The following DENND3 variants were observed in gnomAD, a reference collection of about 807,000 sequenced individuals.
DENND3 encodes the protein DENN domain containing 3.
DENND3 carries 88 observed loss-of-function variants against 135.1 expected under a neutral mutation model. The observed-to-expected ratio is 0.65, with a 90% CI of 0.55 to 0.78. DENND3 has a LOEUF of 0.78. Among genes scored for constraint, DENND3 ranks in the 30% least tolerant of loss-of-function variants. The pLI is 0.00. For synonymous variants in DENND3, 693 were observed against 712.3 expected (o/e 0.97, Z 0.43); for missense variants, 1,392 against 1,688.4 (o/e 0.82, Z 3.08).
chr8:141,175,298 G>A lies in DENND3; in HGVS notation c.2374G>A (p.Val792Met). 1 of 1,614,246 alleles carries A rather than the reference G, an allele frequency of 6.2e-7. No individual in the cohort carries two copies. The highest frequency in any genetic ancestry group is 8.5e-7 in the Non-Finnish European group (1 of 1,180,050). ...EAQEVSLPWL[V>M]MEHLDKNECV... is the part of the protein sequence containing the mutation. ...CCAGGAGGTCAGTCTGCCGTGGCTGGTGATGGAACACCTGGATAAAAACGA... is the reference window on the plus strand; with the variant it reads ...CCAGGAGGTCAGTCTGCCGTGGCTGATGATGGAACACCTGGATAAAAACGA... The change falls in exon 14 of 23, where the codon GTG (valine) becomes ATG (methionine). Residue 792 changes from valine (V) to methionine (M), a missense_variant. Val to Met is a conservative substitution (Grantham distance 21). Transcript: ENST00000519811. The surrounding 1 kb of genome is among the most constrained non-coding windows in gnomAD (Gnocchi z 5.4).
In DENND3 at chr8:141,167,876, G is replaced by A; in HGVS notation, c.1754-128G>A. The A allele has an allele frequency of 7.5e-7, 1 of 1,341,676 alleles. No homozygotes were observed. The highest frequency in any genetic ancestry group is 1.5e-5 in the African/African-American group (1 of 68,496). The allele number at this position is 1,341,676 out of a possible 1,614,324, so 83.1% of individuals were successfully genotyped here. A position where few individuals can be genotyped will look rare whatever the true frequency, so the allele number is the denominator to read the frequency against. Reference sequence around the variant, plus strand: ...GTGGGTGTGTGGAGCTTTCTGGAGGGAGCACACCCATTCTCATTTTATTTT... The same window carrying A: ...GTGGGTGTGTGGAGCTTTCTGGAGGAAGCACACCCATTCTCATTTTATTTT... On this transcript the variant is annotated intron_variant, in intron 12 of 22. Coordinates refer to ENST00000519811, the MANE Select transcript of DENND3 (RefSeq NM_001352890.3). This position sits in a 1 kb window ranked among gnomAD's most constrained non-coding sequence, Gnocchi z 4.1.
At position 141,136,751 on chromosome 8, in the gene DENND3, C is replaced by T. The variant is rs200233804; in HGVS notation, c.345C>T (p.Gly115=). 21 of 1,595,364 alleles carry T rather than the reference C, an allele frequency of 1.3e-5. No homozygotes were observed. Among genetic ancestry groups the T allele is most frequent in the East Asian group, 9.1e-5 (4 of 44,132 alleles). ...APEPEDVAVP[G]GVDLLTLPQL... is the part of the protein sequence containing the mutation. ...AGCCTGAGGATGTCGCCGTCCCGGG[C>T]GGCGTGGACCTCCTCACCCTGCCGC... Residue 115 remains glycine (G), a synonymous_variant, in exon 2 of 23, where the codon GGC becomes GGT. Coordinates refer to ENST00000519811, the MANE Select transcript of DENND3 (RefSeq NM_001352890.3).
chr8:141,185,727 G>A (rs945780892), intron 18 of DENND3, among the ~76,000 whole-genome samples: 1 of 151,856 alleles, frequency 6.6e-6, no homozygotes, highest in African/African-American at 2.4e-5. Context: ...TTGGGAAGCT[G>A]AGGTGGTAGG....
At chr8:141,153,439 C>A (rs545938690) in intron 7 of DENND3, among the ~76,000 whole-genome samples, 1 of 152,230 alleles carries the variant, frequency 6.6e-6, no homozygotes, top group African/African-American at 2.4e-5. Flanking sequence ...AAGAACACAG[C>A]GTGTGTCATG....
chr8:141,145,863 TTTTG>T, intron 5 of DENND3, among the ~76,000 whole-genome samples: 2 of 132,054 alleles, frequency 1.5e-5, no homozygotes, highest in African/African-American at 6.2e-5. Flanking sequence ...ATTTTTTTTT[TTTTG>T]AGGCGGAGTC....
Position 141,175,449 on chromosome 8 carries a change from G to A in DENND3, c.2525G>A (p.Arg842Lys), listed in dbSNP as rs757122379. ...RPGYLEISTF[R>K]NIEEVRRTTT... ...GGCTACTTGGAGATTTCCACCTTCAGAAATATAGAGGTAAGGACAGCACAG... is the reference window on the plus strand; with the variant it reads ...GGCTACTTGGAGATTTCCACCTTCAAAAATATAGAGGTAAGGACAGCACAG... The change falls in exon 14 of 23, where the codon AGA becomes AAA. Residue 842 changes from arginine (R) to lysine (K), a missense_variant. Transcript: ENST00000519811. The surrounding 1 kb of genome is among the most constrained non-coding windows in gnomAD (Gnocchi z 5.4). The A allele has an allele frequency of 6.2e-7, 1 of 1,614,172 alleles. No individual in the cohort carries two copies. Among genetic ancestry groups the A allele is most frequent in the South Asian group, 1.1e-5 (1 of 91,074 alleles).
intron 1 of DENND3, among the ~76,000 whole-genome samples, chr8:141,134,101 C>T (rs1816481486): frequency 6.6e-6 from 1 of 152,004 alleles, no homozygotes; most frequent in African/African-American, 2.4e-5. Flanking sequence ...TTCCAGGATC[C>T]AGGAGGAGGG....
rs1453866740 is a variant in DENND3 at position 141,137,941 on chromosome 8, AC to A, written c.386-80del. On this transcript the variant is annotated intron_variant, in intron 2 of 22. Transcript: ENST00000519811. The surrounding 1 kb of genome is among the most constrained non-coding windows in gnomAD (Gnocchi z 4.1). ...TGCTAACTGTGGAGGTGTGTCCTAAACACTGTGAAGAAATCAGCTCGTGGGT... is the reference window on the plus strand; with the variant it reads ...TGCTAACTGTGGAGGTGTGTCCTAAAACTGTGAAGAAATCAGCTCGTGGGT... 3.5e-6 allele frequency: 5 copies of A among 1,439,274 alleles called. No individual in the cohort carries two copies. Among genetic ancestry groups the A allele is most frequent in the Non-Finnish European group, 4.8e-6 (5 of 1,051,152 alleles). The allele number at this position is 1,439,274 out of a possible 1,614,324, so 89.2% of individuals were successfully genotyped here.
Position 141,155,808 on chromosome 8 carries a change from A to T in DENND3, c.1075-41A>T, listed in dbSNP as rs764856211. On this transcript the variant is annotated intron_variant, in intron 7 of 22. Transcript: ENST00000519811. ...TTCAAAGAGGTATACAAATTCCGAA[A>T]TTCTTTTATCAATCTTTACAGATGA... The T allele has an allele frequency of 5.3e-5, 82 of 1,545,976 alleles. 1 individual carries two copies. The East Asian group carries it at 1.6e-3, about 30-fold the overall frequency.
Position 141,175,576 on chromosome 8 carries a change from A to C in DENND3, c.2535+117A>C. On this transcript the variant is annotated intron_variant, in intron 14 of 22. Coordinates refer to ENST00000519811, the MANE Select transcript of DENND3 (RefSeq NM_001352890.3). The surrounding 1 kb of genome is among the most constrained non-coding windows in gnomAD (Gnocchi z 5.4). ...CAAGTACCAGCTGCAGCCCTTCTGCAGACCGAATGCCTTCCTGTCCCTCAG... is the reference window on the plus strand; with the variant it reads ...CAAGTACCAGCTGCAGCCCTTCTGCCGACCGAATGCCTTCCTGTCCCTCAG... The C allele has an allele frequency of 1.3e-6, 2 of 1,504,646 alleles. No homozygotes were observed. The highest frequency in any genetic ancestry group is 1.8e-6 in the Non-Finnish European group (2 of 1,094,604). 93.2% of individuals were successfully genotyped at this position (1,504,646 alleles called of 1,614,324 possible).
rs756764165 is a variant in DENND3 at position 141,192,462 on chromosome 8, G to C, written c.3498+13G>C. 5.6e-5 allele frequency: 90 copies of C among 1,613,878 alleles called. 1 individual carries two copies. Among genetic ancestry groups the C allele is most frequent in the Non-Finnish European group, 7.1e-5 (84 of 1,179,912 alleles). On this transcript the variant is annotated intron_variant, in intron 21 of 22. Coordinates refer to ENST00000519811, the MANE Select transcript of DENND3 (RefSeq NM_001352890.3). ...GCTCCTTCCTGAGGTATCCCAGCAG[G>C]GGCTGTGGGCCCAGCATGTGCGTGG...
rs1817998867 is a variant in DENND3, at chr8:141,145,828, TATATATATA to T, written c.735+1570_735+1578del. ...TTATATATATATATATATATATATA[TATATATATA>T]TATATATATATATGTATTTTTTTTT... is the stretch of plus-strand genomic sequence containing the variant. On this transcript the variant is annotated intron_variant, in intron 5 of 22. Coordinates refer to ENST00000519811, the MANE Select transcript of DENND3 (RefSeq NM_001352890.3). Among the ~76,000 whole-genome samples, 14 of 90,684 alleles carry T rather than the reference TATATATATA, an allele frequency of 1.5e-4. 3 individuals are homozygous for T. The highest frequency in any genetic ancestry group is 8.9e-4 in the African/African-American group (14 of 15,710). 59.5% of individuals were successfully genotyped at this position (90,684 alleles called of 152,430 possible).
chr8:141,158,216 C>A, intron 8 of DENND3: 1 of 1,289,754 alleles, frequency 7.8e-7, no homozygotes, highest in Non-Finnish European at 1.0e-6. Context: ...AGCAGCTGTT[C>A]TGTTGGCAAC....
rs570945296 is a variant in DENND3 at position 141,133,352 on chromosome 8, A to G, written c.103-3157A>G. Among the ~76,000 whole-genome samples, 59 of 152,286 alleles carry G rather than the reference A, an allele frequency of 3.9e-4. No homozygotes were observed. In the South Asian group the frequency reaches 0.01, roughly 27 times the overall value. ...CCACGTATGACACGTGGGAAGATACAGTATCATGATGTGGCGAAACAAACA... is the reference window on the plus strand; with the variant it reads ...CCACGTATGACACGTGGGAAGATACGGTATCATGATGTGGCGAAACAAACA... On this transcript the variant is annotated intron_variant, in intron 1 of 22. Transcript: ENST00000519811.
At chr8:141,133,132 G>A (rs980301958) in intron 1 of DENND3, among the ~76,000 whole-genome samples, 1 of 152,196 alleles carries the variant, frequency 6.6e-6, no homozygotes, top group Admixed American at 6.5e-5. Flanking sequence ...GTGAGCGTGG[G>A]GGGTGGAGGG....
rs1822996170 is a variant in DENND3, at chr8:141,180,802, CT to C, written c.2893del (p.Ser965ArgfsTer37). 1 of 1,613,588 alleles carries C rather than the reference CT, an allele frequency of 6.2e-7. No homozygotes were observed. Among genetic ancestry groups the C allele is most frequent in the Non-Finnish European group, 8.5e-7 (1 of 1,179,852 alleles). On this transcript the variant is annotated frameshift_variant, in exon 17 of 23. Coordinates refer to ENST00000519811, the MANE Select transcript of DENND3 (RefSeq NM_001352890.3). LOFTEE classifies it high-confidence loss of function. ...LETLKHKINP[S>X]AGEAFPQAVD... ...AAACACTGAAGCATAAAATCAACCC[CT>C]CGGCGGGGGAGGCGTTCCCACAAGC...
At chr8:141,142,899 C>T (rs1274822703) in intron 4 of DENND3, 4 of 156,354 alleles carry the variant, frequency 2.6e-5, no homozygotes, top group African/African-American at 9.6e-5. Context: ...TTTTCTCCGC[C>T]TCCTGGTCGA....
Position 141,151,631 on chromosome 8 carries a change from A to C in DENND3, c.868A>C (p.Ile290Leu). Residue 290 changes from isoleucine (I) to leucine (L), a missense_variant, in exon 7 of 23, where the codon ATC becomes CTC. Ile to Leu is a conservative substitution (Grantham distance 5). Coordinates refer to ENST00000519811, the MANE Select transcript of DENND3 (RefSeq NM_001352890.3). ...PEKVLQILTC[I>L]LTEQRIVFFS... ...GTTCTCCCCTCAGATCCTGACATGC[A>C]TCCTGACGGAACAGCGGATCGTCTT... 1 of 1,613,518 alleles carries C rather than the reference A, an allele frequency of 6.2e-7. No homozygotes were observed. The highest frequency in any genetic ancestry group is 1.3e-5 in the African/African-American group (1 of 74,738).
intron 5 of DENND3, among the ~76,000 whole-genome samples, chr8:141,145,903 C>T (rs2154612848): frequency 7.1e-6 from 1 of 140,200 alleles, no homozygotes; most frequent in East Asian, 2.1e-4. Flanking sequence ...GGCTGGAGCA[C>T]AGTGGCGTGA....
Sources: allele counts gnomAD v4.1 joint callset (sites outside exome capture counted in the v4.1 genomes callset), GRCh38; gene constraint gnomAD v4.1.1; non-coding constraint Gnocchi (gnomAD v3.1); transcripts MANE v1.5; gene names NCBI Gene and HGNC (gene_info 2026-07-23, HGNC 2026-07-21).